AMOT: variants seen among roughly 807,000 people sequenced by gnomAD.
AMOT encodes angiomotin.
AMOT carries 11 observed loss-of-function variants against 67.0 expected under a neutral mutation model. The observed-to-expected ratio is 0.16, with a 90% CI of 0.10 to 0.27. The LOEUF (loss-of-function observed/expected upper bound fraction) is 0.27. Among genes scored for constraint, AMOT ranks in the 10% least tolerant of loss-of-function variants. The pLI is 1.00. For missense variants in AMOT, 753 were observed against 852.0 expected, an observed-to-expected ratio of 0.88 and a Z score of 1.45; for synonymous variants, 326 against 321.4, an observed-to-expected ratio of 1.01 and a Z score of -0.15.
At chrX:112,789,706 C>G (rs1232061613) in intron 10 of AMOT, among the ~76,000 whole-genome samples, 3 of 110,640 alleles carry the variant, frequency 2.7e-5, no homozygotes, top group Non-Finnish European at 5.7e-5. Context: ...AAAAACAACA[C>G]TGTGGTTTTT....
chrX:112,778,476 C>G lies in AMOT; in HGVS notation c.*91G>C, dbSNP rs1932993999. ...TAAAAAACATCCCCTCCCCACAACCCTTGTCCTCACCCTCAAAACAAGAAC... is the reference window on the plus strand; with the variant it reads ...TAAAAAACATCCCCTCCCCACAACCGTTGTCCTCACCCTCAAAACAAGAAC... On this transcript the variant is annotated 3_prime_UTR_variant, in exon 14 of 14. Transcript: ENST00000371959. 3.4e-6 allele frequency: 3 copies of G among 874,798 alleles called. No homozygotes were observed. In the African/African-American group the frequency reaches 6.0e-5, roughly 17 times the overall value. The allele number at this position is 874,798 out of a possible 1,213,427, so 72.1% of individuals were successfully genotyped here. A position where few individuals can be genotyped will look rare whatever the true frequency, so the allele number is the denominator to read the frequency against.
chrX:112,811,367 C>A lies in AMOT; in HGVS notation c.1419G>T (p.Ser473=). Reference sequence around the variant, plus strand: ...ACTTCACGAGGTTCTCATATGCCTCCGAGACGCGCTGGATTTCTGTCTCCA... The same window carrying A: ...ACTTCACGAGGTTCTCATATGCCTCAGAGACGCGCTGGATTTCTGTCTCCA... ...QKVETEIQRV[S]EAYENLVKSS... is the part of the protein sequence containing the mutation. Residue 473 remains serine (S), a synonymous_variant, in exon 6 of 14, where the codon TCG becomes TCT. Coordinates refer to ENST00000371959, the MANE Select transcript of AMOT (RefSeq NM_001113490.2). The A allele has an allele frequency of 8.3e-7, 1 of 1,207,198 alleles. No individual in the cohort carries two copies. The highest frequency in any genetic ancestry group is 1.1e-6 in the Non-Finnish European group (1 of 893,012).
intron 10 of AMOT, among the ~76,000 whole-genome samples, chrX:112,786,949 T>A (rs1281315662): frequency 8.9e-6 from 1 of 112,056 alleles, no homozygotes; most frequent in Non-Finnish European, 1.9e-5. Flanking sequence ...CAAGGAAAAT[T>A]CACCTAAACA....
rs776642590 is a variant in AMOT, at chrX:112,819,710, G to C, written c.872+2545C>G. On this transcript the variant is annotated intron_variant, in intron 4 of 13. Transcript: ENST00000371959. Reference sequence around the variant, plus strand: ...ATTCAAGGTATTTATTTTTTAAGGGGAGGAGGGCATAAGAAAGATGAAGTA... The same window carrying C: ...ATTCAAGGTATTTATTTTTTAAGGGCAGGAGGGCATAAGAAAGATGAAGTA... Among the ~76,000 whole-genome samples the C allele has an allele frequency of 2.7e-5, 3 of 112,227 alleles. No individual in the cohort carries two copies. In the Admixed American group the frequency reaches 2.8e-4, roughly 11 times the overall value.
At chrX:112,801,358 G>A (rs377287812) in intron 8 of AMOT, among the ~76,000 whole-genome samples, 34 of 111,454 alleles carry the variant, frequency 3.1e-4, no homozygotes, top group African/African-American at 9.8e-4. Context: ...GGGCAAGGAC[G>A]GAAAGGCACC....
chrX:112,814,202 G>A (rs1243267476), intron 5 of AMOT, among the ~76,000 whole-genome samples: 2 of 109,817 alleles, frequency 1.8e-5, no homozygotes, highest in African/African-American at 6.6e-5. Flanking sequence ...AACCCAGGAG[G>A]CGGAAGTTGC....
chrX:112,832,427 C>G, intron 1 of AMOT, 57 bp from the exon 2 acceptor site: 1 of 111,709 alleles, frequency 9.0e-6, no homozygotes, highest in African/African-American at 3.3e-5. Context: ...GAGAGGGAAG[C>G]TCAAGTCCAG....
chrX:112,804,106 C>A (rs1934095961), intron 8 of AMOT, among the ~76,000 whole-genome samples: 1 of 111,509 alleles, frequency 9.0e-6, no homozygotes, highest in Non-Finnish European at 1.9e-5. Flanking sequence ...GTGTTGCAAT[C>A]AAATAGCATC....
chrX:112,809,857 A>G (rs370934943), intron 7 of AMOT, 37 bp downstream of exon 7: 28 of 1,144,458 alleles, frequency 2.4e-5, no homozygotes, highest in Non-Finnish European at 3.2e-5. Context: ...GCTCCCATCC[A>G]CACGTTAATA....
rs1569402352 is a variant in AMOT, at chrX:112,815,580, G to GTGATGGTGA, written c.1161_1169dup (p.His389_His391dup). ...GCTGCTGCTGCTGCTGTTGTTGGTG[G>GTGATGGTGA]TGATGGTGATGATGGTGCTGCTGCT... On this transcript the variant is annotated inframe_insertion, in exon 5 of 14. Transcript: ENST00000371959. 8.3e-7 allele frequency: 1 copy of GTGATGGTGA among 1,210,309 alleles called. No homozygotes were observed. The highest frequency in any genetic ancestry group is 1.1e-6 in the Non-Finnish European group (1 of 894,593).
rs2286063 is a variant in AMOT, at chrX:112,780,929, G to C, written c.2430C>G (p.Ile810Met). Residue 810 changes from isoleucine (I) to methionine (M), a missense_variant, in exon 12 of 14, where the codon ATC (isoleucine) becomes ATG (methionine). This residue lies in a region of AMOT where 269 missense variants were observed against 300.9 expected (regional missense o/e 0.89). Coordinates refer to ENST00000371959, the MANE Select transcript of AMOT (RefSeq NM_001113490.2). The part of the protein sequence containing the change: ...SHSSTLTGSP[I>M]MEEKRDDKSW... ...TCTTGTCGTCTCGCTTTTCTTCCAT[G>C]ATGGGGGAGCCAGTCAGGGTGGATG... 2.5e-6 allele frequency: 3 copies of C among 1,211,530 alleles called. No homozygotes were observed. The Middle Eastern group carries it at 6.9e-4, about 278-fold the overall frequency.
intron 8 of AMOT, among the ~76,000 whole-genome samples, chrX:112,803,915 G>A (rs943441742): frequency 4.5e-5 from 5 of 111,868 alleles, no homozygotes; most frequent in African/African-American, 1.6e-4. Flanking sequence ...AGAAGTCTGT[G>A]AGATATGAAA....
At chrX:112,783,653 C>G (rs1411153405) in intron 10 of AMOT, among the ~76,000 whole-genome samples, 1 of 110,509 alleles carries the variant, frequency 9.0e-6, no homozygotes, top group Non-Finnish European at 1.9e-5. Flanking sequence ...GAAAGTGTCT[C>G]AGGCCATTAA....
At position 112,792,648 on chromosome X, in the gene AMOT, G is replaced by A. The variant is rs756537843; in HGVS notation, c.1777-667C>T. Among the ~76,000 whole-genome samples, 209 of 111,693 alleles carry A rather than the reference G, an allele frequency of 1.9e-3. 1 individual carries two copies. The highest frequency in any genetic ancestry group is 2.3e-3 in the Non-Finnish European group (123 of 53,136). ...GTCAAAAGCCTTTAGTCTCCACATC[G>A]CCTAGCACTGCCTTGCTAGTTCTTT... On this transcript the variant is annotated intron_variant, in intron 8 of 13. Transcript: ENST00000371959.
At position 112,779,403 on chromosome X, in the gene AMOT, A is replaced by G. The variant is rs760467274; in HGVS notation, c.2751T>C (p.Ala917=). The change falls in exon 13 of 14, where the codon GCT becomes GCC. Residue 917 remains alanine, a synonymous_variant. Transcript: ENST00000371959. Reference sequence around the variant, plus strand: ...CAGCAGCAGCAGCTGGAGCAGCAGCAGCAGCAACAGCAACTGGAGCAGCAG... The same window carrying G: ...CAGCAGCAGCAGCTGGAGCAGCAGCGGCAGCAACAGCAACTGGAGCAGCAG... ...MVAAAPVAVA[A]AAAPAAAAAP... 2.8e-6 allele frequency: 3 copies of G among 1,060,623 alleles called. No individual in the cohort carries two copies. The highest frequency in any genetic ancestry group is 1.9e-5 in the South Asian group (1 of 51,603). The allele number at this position is 1,060,623 out of a possible 1,213,427, so 87.4% of individuals were successfully genotyped here.
At chrX:112,796,589 T>C (rs999482657) in intron 8 of AMOT, among the ~76,000 whole-genome samples, 5 of 112,193 alleles carry the variant, frequency 4.5e-5, no homozygotes, top group Non-Finnish European at 9.4e-5. Flanking sequence ...CCTTGCTTTC[T>C]CCAATTCTGT....
In AMOT at chrX:112,825,052, C is replaced by T. The variant is rs1934811330; in HGVS notation, c.-63+20G>A. 1.8e-5 allele frequency: 2 copies of T among 110,087 alleles called. No individual in the cohort carries two copies. Among genetic ancestry groups the T allele is most frequent in the African/African-American group, 6.6e-5 (2 of 30,101 alleles). 9.1% of individuals were successfully genotyped at this position (110,087 alleles called of 1,213,427 possible). A position where few individuals can be genotyped will look rare whatever the true frequency, so the allele number is the denominator to read the frequency against. On this transcript the variant is annotated intron_variant, in intron 3 of 13. Coordinates refer to ENST00000371959, the MANE Select transcript of AMOT (RefSeq NM_001113490.2). ...GAGCGTGTGCACACACACACACACA[C>T]ACACAGAAATATTCCATACCTATTT...
intron 7 of AMOT, among the ~76,000 whole-genome samples, chrX:112,807,030 T>A (rs1197668092): frequency 8.9e-6 from 1 of 111,735 alleles, no homozygotes; most frequent in African/African-American, 3.3e-5. Flanking sequence ...GAGAAACTAT[T>A]TAACCAGAAC....
intron 1 of AMOT, among the ~76,000 whole-genome samples, chrX:112,836,816 T>C (rs1179661599): frequency 1.9e-5 from 2 of 107,206 alleles, no homozygotes; most frequent in Non-Finnish European, 3.8e-5. Flanking sequence ...ATACTAGATA[T>C]TGAGGCCTAG....
Sources: gnomAD v4.1 joint callset for allele counts (sites outside exome capture counted in the v4.1 genomes callset) on GRCh38, gnomAD v4.1.1 for gene constraint, gnomAD v4.1.1 regional missense constraint, MANE v1.5 for transcripts, NCBI Gene and HGNC (gene_info 2026-07-23, HGNC 2026-07-21) for gene names.